Variants in CFAP44 observed in about 807,000 individuals in gnomAD.
CFAP44 encodes cilia- and flagella-associated protein 44.
Under a neutral mutation model 216.2 loss-of-function variants are expected in CFAP44, and 134 were observed. The ratio of observed to expected loss-of-function variants is 0.62; its 90% CI spans 0.54 to 0.72. CFAP44 has a LOEUF of 0.72. Ranked by LOEUF, CFAP44 falls within the 30% of genes least tolerant of loss-of-function variation. The probability of loss-of-function intolerance (pLI) is 0.00; values close to 1 mark genes in which losing one functional copy is unlikely to be tolerated. For synonymous variants in CFAP44, 700 were observed against 727.6 expected, an observed-to-expected ratio of 0.96 and a Z score of 0.61; for missense variants, 2,035 against 2,182.1, an observed-to-expected ratio of 0.93 and a Z score of 1.34.
intron 2 of CFAP44, among the ~76,000 whole-genome samples, chr3:113,429,844 T>C (rs746671613): frequency 5.3e-5 from 8 of 152,164 alleles, no homozygotes; most frequent in Non-Finnish European, 8.8e-5. Context: ...GATTACAATA[T>C]ATAACAACTT....
chr3:113,372,736 A>C (rs540412151), intron 18 of CFAP44, among the ~76,000 whole-genome samples: 3 of 152,350 alleles, frequency 2.0e-5, no homozygotes, highest in South Asian at 4.1e-4. Flanking sequence ...AATAATAAAA[A>C]AAAAGAAGAA....
chr3:113,385,867 C>G (rs1234441888), intron 15 of CFAP44, among the ~76,000 whole-genome samples: 1 of 151,314 alleles, frequency 6.6e-6, no homozygotes, highest in African/African-American at 2.4e-5. Context: ...TTGTCTCAAA[C>G]TCCTGACCTC....
At position 113,286,979 on chromosome 3, in the gene CFAP44, T is replaced by G; in HGVS notation, c.*4578A>C. ...TTCTATTATAGCCATATTTATATAT[T>G]TATGCACTTGTAAATAAATGTATAT... On this transcript the variant is annotated 3_prime_UTR_variant, in exon 35 of 35. Coordinates refer to ENST00000393845, the MANE Select transcript of CFAP44 (RefSeq NM_001164496.2). The G allele has an allele frequency of 9.6e-7, 1 of 1,039,632 alleles. No individual in the cohort carries two copies. Among genetic ancestry groups the G allele is most frequent in the African/African-American group, 1.6e-5 (1 of 61,796 alleles). 64.4% of individuals were successfully genotyped at this position (1,039,632 alleles called of 1,614,324 possible).
rs377503120 is a variant in CFAP44 at position 113,396,732 on chromosome 3, G to A, written c.1570-5C>T. ...TTGTGCTCCAGTGAAGTTTACCTTG[G>A]AGAAAATTAAAGATAAGGGACCTGA... is the stretch of plus-strand genomic sequence containing the variant. On this transcript the variant is annotated splice_region_variant and splice_polypyrimidine_tract_variant and intron_variant, in intron 13 of 34. Coordinates refer to ENST00000393845, the MANE Select transcript of CFAP44 (RefSeq NM_001164496.2). 80 of 1,612,862 alleles carry A rather than the reference G, an allele frequency of 5.0e-5. No homozygotes were observed. The African/African-American group carries it at 7.3e-4, about 15-fold the overall frequency.
At chr3:113,420,264 A>G in intron 4 of CFAP44, 85 bp from the exon 5 acceptor site, 1 of 1,330,836 alleles carries the variant, frequency 7.5e-7, no homozygotes, top group East Asian at 2.7e-5. Context: ...TTTTAAATCT[A>G]TACTCTTAGA....
intron 3 of CFAP44, chr3:113,426,579 TC>T: frequency 3.7e-6 from 1 of 268,834 alleles, no homozygotes; most frequent in Non-Finnish European, 7.1e-6. Flanking sequence ...TCCTGAGGCC[TC>T]CCCAGCCATG....
rs1950189803 is a variant in CFAP44 at position 113,326,378 on chromosome 3, C to CT, written c.4516+66dup. On this transcript the variant is annotated intron_variant, in intron 28 of 34. Transcript: ENST00000393845. Reference sequence around the variant, plus strand: ...AAAAAATAAGGTATCTAATAGGTCCCTTAGTTACCTCTCTATTTCATGTTA... The same window carrying CT: ...AAAAAATAAGGTATCTAATAGGTCCCTTTAGTTACCTCTCTATTTCATGTTA... The CT allele has an allele frequency of 2.9e-6, 4 of 1,371,338 alleles. 1 individual carries two copies. In the Admixed American group the frequency reaches 9.3e-5, roughly 32 times the overall value. The allele number at this position is 1,371,338 out of a possible 1,614,324, so 84.9% of individuals were successfully genotyped here.
intron 18 of CFAP44, among the ~76,000 whole-genome samples, chr3:113,372,864 T>C (rs1437188424): frequency 6.6e-6 from 1 of 152,208 alleles, no homozygotes; most frequent in Non-Finnish European, 1.5e-5. Context: ...ACCAACCTGC[T>C]GACACCTTGA....
Position 113,433,656 on chromosome 3 carries a change from T to C in CFAP44, c.9A>G (p.Glu3=). The C allele has an allele frequency of 6.2e-7, 1 of 1,612,518 alleles. No individual in the cohort carries two copies. The highest frequency in any genetic ancestry group is 1.1e-5 in the South Asian group (1 of 91,050). The change falls in exon 2 of 35, where the codon GAA becomes GAG. Residue 3 remains glutamate (E), a synonymous_variant. Transcript: ENST00000393845. The stretch of plus-strand genomic sequence containing the variant: ...CCCCATCAGTATCCTGATCATCTGG[T>C]TCCTTCATTTCCTCTGTAAGTACAA... The part of the protein sequence containing the change: MK[E]PDDQDTDGEK...
chr3:113,319,557 G>C (rs1408471680), intron 28 of CFAP44, among the ~76,000 whole-genome samples: 1 of 152,096 alleles, frequency 6.6e-6, no homozygotes, highest in Non-Finnish European at 1.5e-5. Flanking sequence ...AAAAACTCTG[G>C]ACTTAAACTC....
intron 28 of CFAP44, among the ~76,000 whole-genome samples, chr3:113,314,483 A>T (rs1181320238): frequency 2.6e-5 from 4 of 152,204 alleles, no homozygotes; most frequent in Non-Finnish European, 5.9e-5. Flanking sequence ...TTTTTAAAAA[A>T]ATAAGAACAT....
At chr3:113,299,643 C>A (rs1949915637) in intron 32 of CFAP44, among the ~76,000 whole-genome samples, 1 of 152,100 alleles carries the variant, frequency 6.6e-6, no homozygotes, top group Non-Finnish European at 1.5e-5. Context: ...TTCATAATAG[C>A]CAAGATTTGG....
rs1934949725 is a variant in CFAP44, at chr3:113,426,007, C to A, written c.407+117G>T. On this transcript the variant is annotated intron_variant, in intron 4 of 34. Coordinates refer to ENST00000393845, the MANE Select transcript of CFAP44 (RefSeq NM_001164496.2). ...TGGATGTGGCTGTGTTGCAATAAAA[C>A]TTGATTTACCAAAACAGGTGGGAAG... 3 of 1,251,984 alleles carry A rather than the reference C, an allele frequency of 2.4e-6. No individual in the cohort carries two copies. In the African/African-American group the frequency reaches 4.5e-5, roughly 19 times the overall value. The allele number at this position is 1,251,984 out of a possible 1,614,324, so 77.6% of individuals were successfully genotyped here.
At chr3:113,324,234 G>T (rs1323479617) in intron 28 of CFAP44, among the ~76,000 whole-genome samples, 2 of 151,760 alleles carry the variant, frequency 1.3e-5, no homozygotes, top group East Asian at 1.9e-4. Context: ...AAATCAAATG[G>T]AAAAGAAAAT....
chr3:113,292,169 C>A (rs908630648), intron 34 of CFAP44, among the ~76,000 whole-genome samples: 1 of 152,068 alleles, frequency 6.6e-6, no homozygotes, highest in African/African-American at 2.4e-5. Flanking sequence ...TTCAGGGAGG[C>A]CTTCTTTGCC....
chr3:113,388,220 GCCTT>G (rs1412553492), intron 15 of CFAP44, among the ~76,000 whole-genome samples: 1 of 152,100 alleles, frequency 6.6e-6, no homozygotes, highest in Non-Finnish European at 1.5e-5. Flanking sequence ...GTTACCACAG[GCCTT>G]GGGCAAGACT....
chr3:113,375,162 C>A (rs1933302449), intron 17 of CFAP44, among the ~76,000 whole-genome samples: 1 of 135,236 alleles, frequency 7.4e-6, no homozygotes, highest in Non-Finnish European at 1.6e-5. Flanking sequence ...AGTATGGTTG[C>A]CAGGGGCTGA....
intron 16 of CFAP44, 77 bp from the exon 17 acceptor site, chr3:113,379,628 G>T: frequency 8.6e-7 from 1 of 1,158,288 alleles, no homozygotes; most frequent in Non-Finnish European, 1.2e-6. Context: ...GGATGACAAT[G>T]AAAATAGAAA....
At chr3:113,412,401 C>G (rs1425086927) in intron 6 of CFAP44, among the ~76,000 whole-genome samples, 3 of 146,176 alleles carry the variant, frequency 2.1e-5, no homozygotes, top group East Asian at 3.9e-4. Flanking sequence ...TTAAATATAT[C>G]TCTTTTATTT....
Sources: allele counts gnomAD v4.1 joint callset (sites outside exome capture counted in the v4.1 genomes callset), GRCh38; gene constraint gnomAD v4.1.1; transcripts MANE v1.5; gene names NCBI Gene and HGNC (gene_info 2026-07-23, HGNC 2026-07-21).